The following MYO10 variants were observed in gnomAD, a reference collection of about 807,000 sequenced individuals.
The protein encoded by MYO10 is unconventional myosin-X.
A neutral mutation model predicts 257.3 loss-of-function variants in MYO10; 133 were observed. The ratio of observed to expected loss-of-function variants is 0.52; its 90% CI spans 0.45 to 0.60. MYO10 has a LOEUF of 0.60. Among genes scored for constraint, MYO10 ranks in the 20% least tolerant of loss-of-function variants. The pLI, the probability that MYO10 is intolerant of heterozygous loss-of-function variation, is 0.00. For missense variants in MYO10, 2,399 were observed against 2,635.7 expected (o/e 0.91, Z 1.97); for synonymous variants, 1,104 against 1,028.6 (o/e 1.07, Z -1.40).
chr5:16,888,502 G>C (rs1245010007), intron 1 of MYO10, among the ~76,000 whole-genome samples: 1 of 151,970 alleles, frequency 6.6e-6, no homozygotes, highest in Non-Finnish European at 1.5e-5. Flanking sequence ...GGCTGAGGCA[G>C]GAGAACTACT....
At chr5:16,850,841 G>A (rs573681070) in intron 2 of MYO10, among the ~76,000 whole-genome samples, 21 of 151,180 alleles carry the variant, frequency 1.4e-4, no homozygotes, top group African/African-American at 4.1e-4. Flanking sequence ...TTGCTCTGTC[G>A]TCCAGGCTGG....
rs535142414 is a variant in MYO10, at chr5:16,672,845, G to T, written c.5173-20C>A. The T allele has an allele frequency of 2.5e-6, 4 of 1,610,028 alleles. No individual in the cohort carries two copies. The East Asian group carries it at 8.9e-5, about 36-fold the overall frequency. On this transcript the variant is annotated intron_variant, in intron 36 of 40. Transcript: ENST00000513610. ...CACCACCTGGAAGACACACCAGGGG[G>T]ACTTCAGTTCCACAGGCTGCGGCCC... is the stretch of plus-strand genomic sequence containing the variant.
intron 1 of MYO10, among the ~76,000 whole-genome samples, chr5:16,891,287 T>G (rs1745040981): frequency 7.1e-6 from 1 of 140,332 alleles, no homozygotes; most frequent in African/African-American, 2.9e-5. Flanking sequence ...AGAGTGAGAC[T>G]CCGTCTTGAA....
chr5:16,886,171 A>T lies in MYO10; in HGVS notation c.22-8464T>A, dbSNP rs1007789400. Among the ~76,000 whole-genome samples the T allele has an allele frequency of 3.3e-5, 5 of 152,324 alleles. 1 individual carries two copies. The highest frequency in any genetic ancestry group is 3.3e-4 in the Admixed American group (5 of 15,300). On this transcript the variant is annotated intron_variant, in intron 1 of 40. Coordinates refer to ENST00000513610, the MANE Select transcript of MYO10 (RefSeq NM_012334.3). ...ACAGGCGGTTTTTAGGCTCAGGTCAAAGGATGCGGAGCTGAAGGAGATGGC... is the reference window on the plus strand; with the variant it reads ...ACAGGCGGTTTTTAGGCTCAGGTCATAGGATGCGGAGCTGAAGGAGATGGC...
intron 3 of MYO10, among the ~76,000 whole-genome samples, chr5:16,805,323 G>A (rs1440914908): frequency 4.0e-5 from 6 of 151,832 alleles, no homozygotes; most frequent in African/African-American, 1.2e-4. Flanking sequence ...TTAGCCAGGC[G>A]TGGTGGCGGA....
chr5:16,913,286 C>G (rs1416612791), intron 1 of MYO10, among the ~76,000 whole-genome samples: 1 of 152,136 alleles, frequency 6.6e-6, no homozygotes, highest in Non-Finnish European at 1.5e-5. Context: ...AAAATCAAAT[C>G]TTGAGTAATA....
At chr5:16,780,270 T>C (rs1163217285) in intron 8 of MYO10, among the ~76,000 whole-genome samples, 1 of 151,274 alleles carries the variant, frequency 6.6e-6, no homozygotes, top group East Asian at 1.9e-4. Flanking sequence ...TAATATGTAT[T>C]TTTAATAAAC....
chr5:16,922,601 G>A (rs961915666), intron 1 of MYO10, among the ~76,000 whole-genome samples: 6 of 152,156 alleles, frequency 3.9e-5, no homozygotes, highest in Non-Finnish European at 8.8e-5. Flanking sequence ...AGCAGAGGAG[G>A]CAAGGCTAGC....
chr5:16,830,900 G>C (rs971428457), intron 2 of MYO10, among the ~76,000 whole-genome samples: 1 of 152,200 alleles, frequency 6.6e-6, no homozygotes, highest in Non-Finnish European at 1.5e-5. Context: ...GGTTGCCAGA[G>C]GCTAAGGAGG....
intron 2 of MYO10, among the ~76,000 whole-genome samples, chr5:16,857,571 G>A (rs1331099968): frequency 6.6e-6 from 1 of 152,174 alleles, no homozygotes; most frequent in Non-Finnish European, 1.5e-5. Context: ...TAAAACACCT[G>A]CTGAATCAGA....
intron 3 of MYO10, among the ~76,000 whole-genome samples, chr5:16,800,342 G>A (rs1004750036): frequency 2.6e-5 from 4 of 152,112 alleles, no homozygotes; most frequent in African/African-American, 7.2e-5. Flanking sequence ...AGAACTGCCT[G>A]AGCCAAGGAG....
intron 2 of MYO10, among the ~76,000 whole-genome samples, chr5:16,865,811 G>GATAATAATAATAATAATA (rs5866211): frequency 0.071 from 10,144 of 142,496 alleles, 415 homozygotes; most frequent in Admixed American, 0.12. Flanking sequence ...ACTCCGTCTC[G>GATAATAATAATAATAATA]ATAATAATAA....
chr5:16,858,209 G>A (rs1027078876), intron 2 of MYO10, among the ~76,000 whole-genome samples: 8 of 152,108 alleles, frequency 5.3e-5, no homozygotes, highest in Admixed American at 2.6e-4. Flanking sequence ...TGATTTTCAC[G>A]TGTCAAAATA....
chr5:16,853,802 G>A (rs1022749352), intron 2 of MYO10, among the ~76,000 whole-genome samples: 4 of 152,140 alleles, frequency 2.6e-5, no homozygotes, highest in East Asian at 1.9e-4. Context: ...CACTGTCTAC[G>A]TAAGTGTGTT....
At chr5:16,846,999 T>C (rs1293252118) in intron 2 of MYO10, among the ~76,000 whole-genome samples, 1 of 151,824 alleles carries the variant, frequency 6.6e-6, no homozygotes, top group African/African-American at 2.4e-5. Flanking sequence ...ACACCTGTAA[T>C]CCCAGCTATG....
rs979989334 is a variant in MYO10, at chr5:16,815,429, A to G, written c.279+2580T>C. ...GGATTTTGAAGCATTGTGGATTTGG[A>G]GTTTTTGGATTAGGTATATTCAACC... On this transcript the variant is annotated intron_variant, in intron 3 of 40. Transcript: ENST00000513610. 60 of 700,788 alleles carry G rather than the reference A, an allele frequency of 8.6e-5. 1 individual carries two copies. The Admixed American group carries it at 1.2e-3, about 14-fold the overall frequency. The allele number at this position is 700,788 out of a possible 1,614,324, so 43.4% of individuals were successfully genotyped here.
intron 33 of MYO10, 146 bp from the exon 34 acceptor site, chr5:16,676,300 C>T: frequency 1.1e-6 from 1 of 919,598 alleles, no homozygotes; most frequent in Admixed American, 3.2e-5. Context: ...CGAAGATACC[C>T]ATAATCTGTG....
chr5:16,742,756 G>A (rs1740058072), intron 19 of MYO10, among the ~76,000 whole-genome samples: 1 of 151,174 alleles, frequency 6.6e-6, no homozygotes, highest in Non-Finnish European at 1.5e-5. Flanking sequence ...CATTGCAGTG[G>A]CTGAGATCAC....
At chr5:16,679,113 A>C (rs1171604004) in intron 33 of MYO10, among the ~76,000 whole-genome samples, 1 of 152,202 alleles carries the variant, frequency 6.6e-6, no homozygotes, top group Non-Finnish European at 1.5e-5. Flanking sequence ...GTTAATAGAG[A>C]GACTCAGGAG....
Sources: gnomAD v4.1 joint callset for allele counts (sites outside exome capture counted in the v4.1 genomes callset) on GRCh38, gnomAD v4.1.1 for gene constraint, MANE v1.5 for transcripts, NCBI Gene and HGNC (gene_info 2026-07-23, HGNC 2026-07-21) for gene names.